TTC28: variants seen among roughly 807,000 people sequenced by gnomAD.
The protein encoded by TTC28 is tetratricopeptide repeat domain 28.
In TTC28, 61 loss-of-function variants were observed where a neutral mutation model predicts 198.0. That is an observed-to-expected ratio of 0.31 (90% CI 0.25 to 0.38). The LOEUF is 0.38. Among genes scored for constraint, TTC28 ranks in the 10% least tolerant of loss-of-function variants. TTC28 has a pLI of 1.00. For missense variants in TTC28, 2,678 were observed against 3,164.0 expected (o/e 0.85, Z 3.69); for synonymous variants, 1,171 against 1,297.8 (o/e 0.90, Z 2.10).
chr22:28,130,141 T>G (rs190259745), intron 6 of TTC28, among the ~76,000 whole-genome samples: 1 of 152,180 alleles, frequency 6.6e-6, no homozygotes, highest in Non-Finnish European at 1.5e-5. Flanking sequence ...TATGGAAAAT[T>G]CAAAGTTTAA....
intron 2 of TTC28, among the ~76,000 whole-genome samples, chr22:28,605,844 T>C (rs1034496314): frequency 1.3e-5 from 2 of 152,224 alleles, no homozygotes; most frequent in Non-Finnish European, 2.9e-5. Context: ...TCCAAGGATA[T>C]AAAGTTTCAG....
chr22:28,647,602 G>T (rs899244987), intron 1 of TTC28, among the ~76,000 whole-genome samples: 5 of 152,132 alleles, frequency 3.3e-5, no homozygotes, highest in Admixed American at 3.3e-4. Context: ...CACTTTGGGA[G>T]GCCAAGGTGG....
chr22:28,629,669 G>T lies in TTC28; in HGVS notation c.264C>A (p.Asp88Glu). 6.4e-7 allele frequency: 1 copy of T among 1,551,632 alleles called. No homozygotes were observed. The highest frequency in any genetic ancestry group is 8.7e-7 in the Non-Finnish European group (1 of 1,146,996). Residue 88 changes from aspartate (D) to glutamate (E), a missense_variant, in exon 2 of 23, where the codon GAC (aspartate) becomes GAA (glutamate). Transcript: ENST00000397906. ...TGCTGTATAAGATGCAGTTCTGAGGGTCAACAGCCAGGGCTTCATTATACA... is the reference window on the plus strand; with the variant it reads ...TGCTGTATAAGATGCAGTTCTGAGGTTCAACAGCCAGGGCTTCATTATACA... ...IVLYNEALAV[D>E]PQNCILYSNR...
intron 2 of TTC28, among the ~76,000 whole-genome samples, chr22:28,312,640 A>C (rs1027443684): frequency 6.6e-6 from 1 of 152,246 alleles, no homozygotes; most frequent in Non-Finnish European, 1.5e-5. Flanking sequence ...GAAGGCAGAA[A>C]TAAAGATGTT....
chr22:28,404,220 C>T (rs1488896082), intron 2 of TTC28, among the ~76,000 whole-genome samples: 2 of 152,074 alleles, frequency 1.3e-5, no homozygotes, highest in African/African-American at 4.8e-5. Flanking sequence ...CCCTGGTTCA[C>T]ACCATTCTCC....
intron 5 of TTC28, among the ~76,000 whole-genome samples, chr22:28,222,662 G>A (rs1927977213): frequency 6.6e-6 from 1 of 152,134 alleles, no homozygotes; most frequent in Admixed American, 6.5e-5. Context: ...TTGGGCGAGG[G>A]AGAAAAGGGC....
In TTC28 at chr22:27,982,650, A is replaced by G. The variant is rs1186071288; in HGVS notation, c.7017T>C (p.Ala2339=). The G allele has an allele frequency of 1.3e-6, 2 of 1,551,578 alleles. No individual in the cohort carries two copies. The highest frequency in any genetic ancestry group is 1.2e-5 in the South Asian group (1 of 84,042). Residue 2339 remains alanine, a synonymous_variant, in exon 23 of 23, where the codon GCT becomes GCC. Transcript: ENST00000397906. The surrounding 1 kb of genome is among the most constrained non-coding windows in gnomAD (Gnocchi z 5.2). The part of the protein sequence containing the change: ...AGSARSSPAD[A]PDIDKLKMAA... ...CCATTTTCAGTTTGTCTATGTCGGG[A>G]GCGTCTGCTGGACTTGAGCGAGCAG...
chr22:28,644,764 A>G (rs2051428796), intron 1 of TTC28, among the ~76,000 whole-genome samples: 1 of 152,004 alleles, frequency 6.6e-6, no homozygotes, highest in Non-Finnish European at 1.5e-5. Context: ...TCAAGGATGC[A>G]GTAAGCCGAG....
At chr22:28,039,279 A>G (rs1207817343) in intron 12 of TTC28, among the ~76,000 whole-genome samples, 1 of 152,208 alleles carries the variant, frequency 6.6e-6, no homozygotes, top group African/African-American at 2.4e-5. Context: ...CCAAATGTCC[A>G]ACAATGATAG....
At chr22:28,218,224 A>C (rs575905494) in intron 5 of TTC28, among the ~76,000 whole-genome samples, 1 of 152,310 alleles carries the variant, frequency 6.6e-6, no homozygotes, top group South Asian at 2.1e-4. Flanking sequence ...TCTTTTGCCC[A>C]CTCATAATTT....
intron 6 of TTC28, among the ~76,000 whole-genome samples, chr22:28,140,985 G>C (rs117527398): frequency 1.3e-5 from 2 of 149,942 alleles, no homozygotes; most frequent in Admixed American, 6.7e-5. Context: ...AGGAGGAAGA[G>C]TGATAATTAA....
chr22:28,009,278 T>C (rs1456611265), intron 14 of TTC28, among the ~76,000 whole-genome samples: 3 of 152,248 alleles, frequency 2.0e-5, no homozygotes, highest in Non-Finnish European at 4.4e-5. Flanking sequence ...CCACTTTTCA[T>C]ACTGTCTGAC....
rs1209858678 is a variant in TTC28 at position 28,592,737 on chromosome 22, G to A, written c.381+36815C>T. 1.0e-3 allele frequency among the ~76,000 whole-genome samples: 155 copies of A among 152,178 alleles called. 1 individual carries two copies. The highest frequency in any genetic ancestry group is 1.5e-4 in the Non-Finnish European group (10 of 68,002). ...GACACTTTCCTTCATTGGCTTTTAG[G>A]ACACTGACTCTCTTGATTCTCCTTT... On this transcript the variant is annotated intron_variant, in intron 2 of 22. Coordinates refer to ENST00000397906, the MANE Select transcript of TTC28 (RefSeq NM_001145418.2).
At chr22:28,600,858 A>C (rs895248046) in intron 2 of TTC28, among the ~76,000 whole-genome samples, 1 of 152,348 alleles carries the variant, frequency 6.6e-6, no homozygotes, top group South Asian at 2.1e-4. Flanking sequence ...GCATGTACTT[A>C]AGGCCAATTG....
At chr22:28,065,320 G>A (rs1278220695) in intron 12 of TTC28, among the ~76,000 whole-genome samples, 1 of 152,196 alleles carries the variant, frequency 6.6e-6, no homozygotes, top group African/African-American at 2.4e-5. Context: ...CTCTGCCACA[G>A]TTCACAGTCT....
At chr22:28,426,122 G>A (rs943446410) in intron 2 of TTC28, among the ~76,000 whole-genome samples, 2 of 148,104 alleles carry the variant, frequency 1.4e-5, no homozygotes, top group East Asian at 4.1e-4. Flanking sequence ...TGAGGCAGGA[G>A]AATCACTTGA....
intron 5 of TTC28, among the ~76,000 whole-genome samples, chr22:28,266,694 A>C (rs929542781): frequency 1.3e-5 from 2 of 152,188 alleles, no homozygotes; most frequent in African/African-American, 4.8e-5. Context: ...CACTGACTTC[A>C]GCTGACTACA....
intron 12 of TTC28, among the ~76,000 whole-genome samples, chr22:28,033,868 AC>A (rs1359302495): frequency 6.6e-6 from 1 of 152,176 alleles, no homozygotes; most frequent in Non-Finnish European, 1.5e-5. Context: ...GGCTGGGATT[AC>A]TCAAAGGAGG....
intron 12 of TTC28, among the ~76,000 whole-genome samples, chr22:28,047,511 G>A (rs1197408101): frequency 6.6e-6 from 1 of 152,174 alleles, no homozygotes. Context: ...CACCTACCTG[G>A]GTCCAGCAAG....
Sources: allele counts gnomAD v4.1 joint callset (sites outside exome capture counted in the v4.1 genomes callset), GRCh38; gene constraint gnomAD v4.1.1; non-coding constraint Gnocchi (gnomAD v3.1); transcripts MANE v1.5; gene names NCBI Gene and HGNC (gene_info 2026-07-23, HGNC 2026-07-21).